The following ARID2 variants were observed in gnomAD, a reference collection of about 807,000 sequenced individuals.
ARID2 encodes AT-rich interaction domain 2, also known as AT-rich interactive domain-containing protein 2.
ARID2 carries 32 observed loss-of-function variants against 184.6 expected under a neutral mutation model. The ratio of observed to expected loss-of-function variants is 0.17; its 90% CI spans 0.13 to 0.23. The LOEUF (loss-of-function observed/expected upper bound fraction) is 0.23. Ranked by LOEUF, ARID2 falls within the 10% of genes least tolerant of loss-of-function variation. The pLI, the probability that ARID2 is intolerant of heterozygous loss-of-function variation, is 1.00. For synonymous variants in ARID2, 836 were observed against 772.6 expected (o/e 1.08, Z -1.36); for missense variants, 1,696 against 2,197.6 (o/e 0.77, Z 4.56).
At chr12:45,858,195 C>T (rs1263026007) in intron 15 of ARID2, among the ~76,000 whole-genome samples, 1 of 152,056 alleles carries the variant, frequency 6.6e-6, no homozygotes, top group South Asian at 2.1e-4. Flanking sequence ...TTTTAGGTGT[C>T]ATGGTGTCTG....
intron 2 of ARID2, among the ~76,000 whole-genome samples, chr12:45,730,418 C>T (rs919656677): frequency 7.2e-6 from 1 of 139,694 alleles, no homozygotes; most frequent in African/African-American, 2.5e-5. Context: ...CTGAGCGCCG[C>T]GGCGGGGAAT....
intron 16 of ARID2, among the ~76,000 whole-genome samples, chr12:45,876,632 C>T (rs1010360925): frequency 2.7e-5 from 4 of 149,710 alleles, no homozygotes; most frequent in Admixed American, 2.0e-4. Context: ...ACATCAAGAT[C>T]ACTGATCACA....
chr12:45,732,295 T>C (rs1565575095), intron 3 of ARID2, among the ~76,000 whole-genome samples: 1 of 152,222 alleles, frequency 6.6e-6, no homozygotes, highest in African/African-American at 2.4e-5. Context: ...GCATTTATTA[T>C]TGCTTCAGAT....
In ARID2 at chr12:45,894,955, T is replaced by C. The variant is rs998920037; in HGVS notation, c.5363+1234T>C. ...TACCTTTGTTCCAATGCTCATACTA[T>C]TCTCCCTGCCTAGAATGCCCTCCTC... On this transcript the variant is annotated intron_variant, in intron 20 of 20. Transcript: ENST00000334344. Among the ~76,000 whole-genome samples, 5 of 152,300 alleles carry C rather than the reference T, an allele frequency of 3.3e-5. No individual in the cohort carries two copies. In the East Asian group the frequency reaches 9.6e-4, roughly 29 times the overall value.
intron 3 of ARID2, among the ~76,000 whole-genome samples, chr12:45,799,311 G>A (rs1942451361): frequency 6.6e-6 from 1 of 152,114 alleles, no homozygotes; most frequent in Non-Finnish European, 1.5e-5. Context: ...TGGAAGGTTT[G>A]TTTTTAGATT....
rs368420427 is a variant in ARID2 at position 45,849,764 on chromosome 12, C to G, written c.1900C>G (p.Pro634Ala). The G allele has an allele frequency of 3.7e-6, 6 of 1,610,836 alleles. No individual in the cohort carries two copies. The highest frequency in any genetic ancestry group is 5.1e-6 in the Non-Finnish European group (6 of 1,178,554). Residue 634 changes from proline to alanine, a missense_variant, in exon 14 of 21, where the codon CCT becomes GCT. Transcript: ENST00000334344. ...VDSVPDVSPAPSPAGIPHGSQ... is the reference protein window; with the variant it reads ...VDSVPDVSPAASPAGIPHGSQ... ...TTCTGTTCCTGATGTATCTCCTGCT[C>G]CTTCACCTGCAGGTGTTAATTTTTA...
chr12:45,803,481 C>CT (rs1426987014), intron 3 of ARID2, among the ~76,000 whole-genome samples: 1 of 152,128 alleles, frequency 6.6e-6, no homozygotes, highest in African/African-American at 2.4e-5. Flanking sequence ...TCATTTTAAA[C>CT]TTTAACAAAG....
At chr12:45,735,653 T>A (rs1941101267) in intron 3 of ARID2, among the ~76,000 whole-genome samples, 2 of 152,168 alleles carry the variant, frequency 1.3e-5, no homozygotes, top group South Asian at 2.1e-4. Context: ...AAACCTGATT[T>A]TGATATTTTC....
chr12:45,753,730 A>G (rs1253425804), intron 3 of ARID2, among the ~76,000 whole-genome samples: 1 of 152,034 alleles, frequency 6.6e-6, no homozygotes, highest in Non-Finnish European at 1.5e-5. Context: ...AATAGCTGGG[A>G]CTACAGGCAC....
At chr12:45,806,791 C>T (rs556401683) in intron 3 of ARID2, among the ~76,000 whole-genome samples, 85 of 152,180 alleles carry the variant, frequency 5.6e-4, no homozygotes, top group African/African-American at 2.0e-3. Flanking sequence ...TCCCTGTCAC[C>T]GGATGACACC....
rs991038440 is a variant in ARID2, at chr12:45,872,807, A to G, written c.4922+11858A>G. Among the ~76,000 whole-genome samples the G allele has an allele frequency of 3.9e-5, 6 of 152,184 alleles. No individual in the cohort carries two copies. The East Asian group carries it at 1.2e-3, about 29-fold the overall frequency. On this transcript the variant is annotated intron_variant, in intron 16 of 20. Coordinates refer to ENST00000334344, the MANE Select transcript of ARID2 (RefSeq NM_152641.4). ...TGTTTTATGTCCCAGATTGTGGTCT[A>G]TCTTGGTGGATGTTCCATGTGAGCT...
At chr12:45,747,933 G>T (rs111894938) in intron 3 of ARID2, among the ~76,000 whole-genome samples, 41 of 152,076 alleles carry the variant, frequency 2.7e-4, no homozygotes, top group Non-Finnish European at 2.9e-5. Context: ...AGATGCTGTG[G>T]GTTTGATTCC....
intron 3 of ARID2, among the ~76,000 whole-genome samples, chr12:45,797,094 T>C (rs557154746): frequency 6.6e-6 from 1 of 152,228 alleles, no homozygotes; most frequent in South Asian, 2.1e-4. Flanking sequence ...TTAAAAATTA[T>C]AATATCAATC....
At chr12:45,900,652 C>A (rs996354555) in intron 20 of ARID2, among the ~76,000 whole-genome samples, 2 of 152,140 alleles carry the variant, frequency 1.3e-5, no homozygotes, top group African/African-American at 2.4e-5. Flanking sequence ...CGTTGAAACC[C>A]ATTTATTTTC....
intron 16 of ARID2, among the ~76,000 whole-genome samples, chr12:45,879,658 AG>A (rs1944069289): frequency 6.6e-6 from 1 of 152,126 alleles, no homozygotes; most frequent in Admixed American, 6.6e-5. Context: ...GTAAATTTTC[AG>A]TTTGTTCATC....
At chr12:45,842,265 A>G (rs960651897) in intron 11 of ARID2, 7 of 151,392 alleles carry the variant, frequency 4.6e-5, no homozygotes, top group African/African-American at 1.7e-4. Flanking sequence ...ATATGTATAT[A>G]CATATATACA....
At chr12:45,807,472 A>G (rs1942623459) in intron 3 of ARID2, among the ~76,000 whole-genome samples, 1 of 152,136 alleles carries the variant, frequency 6.6e-6, no homozygotes, top group African/African-American at 2.4e-5. Flanking sequence ...AAAATCTGAG[A>G]GAGATTTGGT....
At chr12:45,814,599 G>A (rs540571092) in intron 4 of ARID2, among the ~76,000 whole-genome samples, 29 of 152,016 alleles carry the variant, frequency 1.9e-4, no homozygotes, top group South Asian at 1.7e-3. Flanking sequence ...ATAGTGAGCC[G>A]AAATCCACAG....
intron 3 of ARID2, among the ~76,000 whole-genome samples, chr12:45,781,218 CTG>C (rs2138038646): frequency 6.7e-6 from 1 of 149,816 alleles, no homozygotes; most frequent in Non-Finnish European, 1.5e-5. Flanking sequence ...AGCTAAGAGT[CTG>C]TCACTGTCAA....
Sources: allele counts gnomAD v4.1 joint callset (sites outside exome capture counted in the v4.1 genomes callset), GRCh38; gene constraint gnomAD v4.1.1; transcripts MANE v1.5; gene names NCBI Gene and HGNC (gene_info 2026-07-23, HGNC 2026-07-21).